The following SYT1 variants were observed in gnomAD, a reference collection of about 807,000 sequenced individuals.
The protein encoded by SYT1 is synaptotagmin 1, also known as synaptotagmin-1.
Under a neutral mutation model 44.8 loss-of-function variants are expected in SYT1, and 8 were observed. The ratio of observed to expected loss-of-function variants is 0.18; its 90% CI spans 0.10 to 0.32. The LOEUF (loss-of-function observed/expected upper bound fraction) is 0.32. SYT1 is among the 10% of genes least tolerant of loss of function. The pLI is 1.00. For synonymous variants in SYT1, 154 were observed against 188.8 expected, an observed-to-expected ratio of 0.82 and a Z score of 1.51; for missense variants, 286 against 509.3, an observed-to-expected ratio of 0.56 and a Z score of 4.22.
At chr12:79,066,818 C>T (rs1875898531) in intron 3 of SYT1, among the ~76,000 whole-genome samples, 1 of 151,988 alleles carries the variant, frequency 6.6e-6, no homozygotes, top group South Asian at 2.1e-4. Context: ...TAGTTGGTTC[C>T]CCTTGCATAA....
At chr12:79,303,380 G>C (rs1208269482) in intron 8 of SYT1, among the ~76,000 whole-genome samples, 1 of 151,758 alleles carries the variant, frequency 6.6e-6, no homozygotes, top group East Asian at 1.9e-4. Flanking sequence ...ATAAGGAATA[G>C]ATAGCACCAG....
chr12:78,929,444 A>AAAAAAAAAAAAAAAAAAT (rs1877507283), intron 1 of SYT1, among the ~76,000 whole-genome samples: 1 of 146,164 alleles, frequency 6.8e-6, no homozygotes, highest in Non-Finnish European at 1.5e-5. Context: ...AAAAAAAAAA[A>AAAAAAAAAAAAAAAAAAT]AAGGTTATTA....
chr12:79,067,976 C>T (rs974864115), intron 3 of SYT1, among the ~76,000 whole-genome samples: 9 of 152,114 alleles, frequency 5.9e-5, no homozygotes, highest in Admixed American at 4.6e-4. Flanking sequence ...TTTATTTCCA[C>T]GAAGACACAC....
At chr12:79,050,389 A>G (rs1874387103) in intron 3 of SYT1, among the ~76,000 whole-genome samples, 1 of 151,960 alleles carries the variant, frequency 6.6e-6, no homozygotes, top group Non-Finnish European at 1.5e-5. Context: ...GAATAAGTGG[A>G]CCTGCATAGT....
chr12:79,122,275 G>T (rs574183851), intron 3 of SYT1, among the ~76,000 whole-genome samples: 1 of 151,946 alleles, frequency 6.6e-6, no homozygotes, highest in East Asian at 1.9e-4. Context: ...AGCACTTTGG[G>T]AGGCCGAGGC....
intron 8 of SYT1, among the ~76,000 whole-genome samples, chr12:79,352,231 C>G (rs930817149): frequency 1.3e-5 from 2 of 151,882 alleles, no homozygotes; most frequent in African/African-American, 4.8e-5. Flanking sequence ...ATTTTCTTAC[C>G]TGTTAAATTA....
At chr12:79,396,831 T>A (rs574577691) in intron 9 of SYT1, among the ~76,000 whole-genome samples, 3 of 152,348 alleles carry the variant, frequency 2.0e-5, no homozygotes, top group Admixed American at 1.3e-4. Context: ...GCAATTTATA[T>A]TCTGGAAGAG....
chr12:79,321,803 T>G (rs935055353), intron 8 of SYT1, among the ~76,000 whole-genome samples: 5 of 152,236 alleles, frequency 3.3e-5, no homozygotes, highest in Admixed American at 3.3e-4. Context: ...GAGCACATAA[T>G]GAATTCAGTG....
rs887588616 is a variant in SYT1, at chr12:79,049,129, G to T, written c.-18+1767G>T. On this transcript the variant is annotated intron_variant, in intron 3 of 10. Transcript: ENST00000261205. ...CTCTGAGTATAATTTCATGTGAAAA[G>T]CCATCAATGACTCCTTTTCTGCGCT... 2.0e-5 allele frequency among the ~76,000 whole-genome samples: 3 copies of T among 151,786 alleles called. No homozygotes were observed. The East Asian group carries it at 5.8e-4, about 29-fold the overall frequency.
At chr12:79,328,881 T>C (rs1881729372) in intron 8 of SYT1, among the ~76,000 whole-genome samples, 1 of 151,100 alleles carries the variant, frequency 6.6e-6, no homozygotes, top group Non-Finnish European at 1.5e-5. Context: ...AAAGAAATCA[T>C]AAAACCATGT....
intron 3 of SYT1, among the ~76,000 whole-genome samples, chr12:79,128,012 T>C (rs2138163528): frequency 6.6e-6 from 1 of 152,156 alleles, no homozygotes; most frequent in African/African-American, 2.4e-5. Flanking sequence ...ATAATATAGA[T>C]GAGTGGATAA....
At chr12:78,877,383 C>T (rs1335905343) in intron 1 of SYT1, among the ~76,000 whole-genome samples, 1 of 151,528 alleles carries the variant, frequency 6.6e-6, no homozygotes, top group Admixed American at 6.6e-5. Flanking sequence ...CACTCTGTCC[C>T]TCCCACAACA....
At chr12:79,031,370 T>A (rs1449400468) in intron 2 of SYT1, among the ~76,000 whole-genome samples, 1 of 151,132 alleles carries the variant, frequency 6.6e-6, no homozygotes, top group African/African-American at 2.4e-5. Flanking sequence ...TTGTGCCTAA[T>A]GTATTCATCA....
At chr12:79,308,551 AAAAG>A (rs1555216037) in intron 8 of SYT1, among the ~76,000 whole-genome samples, 4 of 148,876 alleles carry the variant, frequency 2.7e-5, no homozygotes, top group Non-Finnish European at 4.4e-5. Flanking sequence ...AAAGAAAGAA[AAAAG>A]AAAGAAAGGA....
intron 9 of SYT1, among the ~76,000 whole-genome samples, chr12:79,356,112 G>A (rs1206113265): frequency 6.6e-6 from 1 of 151,548 alleles, no homozygotes; most frequent in South Asian, 2.1e-4. Context: ...GCCACGGCGC[G>A]TCTGGGAGAG....
At position 79,313,703 on chromosome 12, in the gene SYT1, A is replaced by T. The variant is rs565977568; in HGVS notation, c.810+14152A>T. ...TACAGGGTAGATTAAAGCTCAGCCT[A>T]TATGCATCACCATGACTCCGCTTAC... On this transcript the variant is annotated intron_variant, in intron 8 of 10. Transcript: ENST00000261205. 3.9e-5 allele frequency among the ~76,000 whole-genome samples: 6 copies of T among 151,960 alleles called. No individual in the cohort carries two copies. In the South Asian group the frequency reaches 1.0e-3, roughly 26 times the overall value.
At chr12:79,372,632 T>G (rs551651953) in intron 9 of SYT1, among the ~76,000 whole-genome samples, 1 of 152,286 alleles carries the variant, frequency 6.6e-6, no homozygotes, top group African/African-American at 2.4e-5. Context: ...GCTGACAGTA[T>G]TTCTGAACAA....
chr12:79,240,879 T>G (rs1181573234), intron 4 of SYT1, among the ~76,000 whole-genome samples: 1 of 152,148 alleles, frequency 6.6e-6, no homozygotes, highest in Non-Finnish European at 1.5e-5. Context: ...ATATTTTATT[T>G]AAAAAAGAAA....
intron 8 of SYT1, among the ~76,000 whole-genome samples, chr12:79,314,570 C>T (rs1190697147): frequency 2.0e-5 from 3 of 152,248 alleles, no homozygotes; most frequent in Admixed American, 6.5e-5. Context: ...CAGACAATAG[C>T]AAGTGTTGGC....
Sources: gnomAD v4.1 joint callset for allele counts (sites outside exome capture counted in the v4.1 genomes callset) on GRCh38, gnomAD v4.1.1 for gene constraint, MANE v1.5 for transcripts, NCBI Gene and HGNC (gene_info 2026-07-23, HGNC 2026-07-21) for gene names.